The following TRABD2B variants were observed in gnomAD, a reference collection of about 807,000 sequenced individuals.
TRABD2B encodes the protein TraB domain containing 2B, also known as metalloprotease TIKI2.
TRABD2B carries 14 observed loss-of-function variants against 40.1 expected under a neutral mutation model. The ratio of observed to expected loss-of-function variants is 0.35; its 90% CI spans 0.23 to 0.55. TRABD2B has a LOEUF of 0.55. TRABD2B is among the 20% of genes least tolerant of loss of function. The pLI is 0.90. For synonymous variants in TRABD2B, 263 were observed against 277.0 expected (o/e 0.95, Z 0.50); for missense variants, 541 against 648.6 (o/e 0.83, Z 1.80).
At chr1:47,877,982 C>T (rs1017931559) in intron 2 of TRABD2B, among the ~76,000 whole-genome samples, 8 of 148,688 alleles carry the variant, frequency 5.4e-5, no homozygotes, top group African/African-American at 7.5e-5. Flanking sequence ...CCAGCCTGGG[C>T]GACAGAGCAA....
intron 4 of TRABD2B, 49 bp from the exon 5 acceptor site, chr1:47,778,593 C>G (rs1184396210): frequency 4.4e-6 from 6 of 1,372,946 alleles, no homozygotes; most frequent in Non-Finnish European, 6.0e-6. Context: ...AGGCCACCGG[C>G]CACAGGGGAC....
intron 6 of TRABD2B, among the ~76,000 whole-genome samples, chr1:47,772,861 G>A (rs1219324423): frequency 2.6e-5 from 4 of 152,134 alleles, no homozygotes; most frequent in African/African-American, 4.8e-5. Context: ...GCTGCCAGGC[G>A]GTGGTGGAAA....
At chr1:47,915,511 T>C (rs1023608190) in intron 2 of TRABD2B, among the ~76,000 whole-genome samples, 1 of 152,200 alleles carries the variant, frequency 6.6e-6, no homozygotes, top group African/African-American at 2.4e-5. Flanking sequence ...GAGTCTTTAC[T>C]GACCCATTTT....
At chr1:47,775,731 T>G (rs1206271932) in intron 5 of TRABD2B, among the ~76,000 whole-genome samples, 1 of 152,162 alleles carries the variant, frequency 6.6e-6, no homozygotes, top group East Asian at 1.9e-4. Context: ...ATGCCTCTGA[T>G]CTCTGAGAGC....
chr1:47,831,361 A>G (rs1412742725), intron 2 of TRABD2B, among the ~76,000 whole-genome samples: 1 of 152,152 alleles, frequency 6.6e-6, no homozygotes, highest in Non-Finnish European at 1.5e-5. Context: ...CTTTCTGGGG[A>G]GTCAGAATGG....
At chr1:47,882,143 G>T (rs1271941006) in intron 2 of TRABD2B, among the ~76,000 whole-genome samples, 1 of 152,356 alleles carries the variant, frequency 6.6e-6, no homozygotes, top group Middle Eastern at 3.4e-3. Flanking sequence ...TTCAGCAACC[G>T]AGGAGGCCCT....
At chr1:47,828,296 C>T (rs1427017935) in intron 2 of TRABD2B, among the ~76,000 whole-genome samples, 2 of 152,144 alleles carry the variant, frequency 1.3e-5, no homozygotes, top group South Asian at 2.1e-4. Context: ...AACTCCCCTC[C>T]TTCCTCACAA....
intron 6 of TRABD2B, among the ~76,000 whole-genome samples, chr1:47,774,167 G>T (rs1421945791): frequency 6.6e-6 from 1 of 152,156 alleles, no homozygotes; most frequent in Admixed American, 6.5e-5. Flanking sequence ...GAGGTCTGCG[G>T]TGGGGCCTGA....
At chr1:47,906,039 C>T (rs546158838) in intron 2 of TRABD2B, among the ~76,000 whole-genome samples, 1 of 152,290 alleles carries the variant, frequency 6.6e-6, no homozygotes, top group South Asian at 2.1e-4. Context: ...AACAAGTAAA[C>T]AATGGCTCAG....
chr1:47,988,910 T>C (rs1645959997), intron 2 of TRABD2B, among the ~76,000 whole-genome samples: 1 of 152,226 alleles, frequency 6.6e-6, no homozygotes, highest in Admixed American at 6.5e-5. Flanking sequence ...TCCAAATGTA[T>C]GTGTCCCTCC....
intron 2 of TRABD2B, among the ~76,000 whole-genome samples, chr1:47,934,387 C>A (rs980765944): frequency 6.6e-6 from 1 of 152,230 alleles, no homozygotes; most frequent in African/African-American, 2.4e-5. Context: ...ACAGCCCTGT[C>A]CTAGCTGGTA....
intron 2 of TRABD2B, among the ~76,000 whole-genome samples, chr1:47,863,093 C>T (rs1643998168): frequency 6.6e-6 from 1 of 151,804 alleles, no homozygotes; most frequent in African/African-American, 2.4e-5. Flanking sequence ...AAATGTAAAA[C>T]ACGAAACTAT....
Position 47,764,986 on chromosome 1 carries a change from G to C in TRABD2B, c.*916C>G, listed in dbSNP as rs1644284684. ...GCTCTCATTACTATTAACATCATGT[G>C]AGGCCTAAGCCCCTGTCTCTAAAAC... On this transcript the variant is annotated 3_prime_UTR_variant, in exon 7 of 7. Transcript: ENST00000606738. The C allele has an allele frequency of 6.6e-6, 1 of 152,164 alleles. No homozygotes were observed. Among genetic ancestry groups the C allele is most frequent in the African/African-American group, 2.4e-5 (1 of 41,428 alleles). The allele number at this position is 152,164 out of a possible 1,614,324, so 9.4% of individuals were successfully genotyped here.
intron 2 of TRABD2B, among the ~76,000 whole-genome samples, chr1:47,944,409 T>A (rs1447595011): frequency 1.3e-5 from 2 of 152,168 alleles, no homozygotes; most frequent in Non-Finnish European, 2.9e-5. Context: ...CATTAGGAAG[T>A]GTCTCAGGGA....
At chr1:47,965,214 A>AGGGGGGGGGGGGGGGG (rs1312482961) in intron 2 of TRABD2B, among the ~76,000 whole-genome samples, 1 of 2,768 alleles carries the variant, frequency 3.6e-4, no homozygotes, top group African/African-American at 1.3e-3. Context: ...GGGGGGGTGG[A>AGGGGGGGGGGGGGGGG]GGGGGGGGTG....
intron 2 of TRABD2B, among the ~76,000 whole-genome samples, chr1:47,919,899 G>A (rs1644879521): frequency 6.6e-6 from 1 of 152,238 alleles, no homozygotes; most frequent in Admixed American, 6.5e-5. Context: ...AATAGGAGGA[G>A]AGGGGTTGAG....
intron 2 of TRABD2B, among the ~76,000 whole-genome samples, chr1:47,843,574 G>T (rs1453606096): frequency 1.3e-5 from 2 of 152,120 alleles, no homozygotes; most frequent in Admixed American, 1.3e-4. Flanking sequence ...CCAGGATGGA[G>T]TTATACATTT....
At chr1:47,914,519 C>T (rs948651956) in intron 2 of TRABD2B, among the ~76,000 whole-genome samples, 1 of 152,254 alleles carries the variant, frequency 6.6e-6, no homozygotes, top group Non-Finnish European at 1.5e-5. Context: ...CCACAGCCAG[C>T]TCATCTGCCC....
chr1:47,844,362 G>A (rs1645439806), intron 2 of TRABD2B, among the ~76,000 whole-genome samples: 1 of 152,174 alleles, frequency 6.6e-6, no homozygotes, highest in Admixed American at 6.5e-5. Context: ...ATATGAGTTG[G>A]GGCCCATCCA....
Sources: allele counts gnomAD v4.1 joint callset (sites outside exome capture counted in the v4.1 genomes callset), GRCh38; gene constraint gnomAD v4.1.1; transcripts MANE v1.5; gene names NCBI Gene and HGNC (gene_info 2026-07-23, HGNC 2026-07-21).